Variants in ZSWIM9 observed in about 807,000 individuals in gnomAD.
ZSWIM9 encodes zinc finger SWIM-type containing 9.
ZSWIM9 carries 11 observed loss-of-function variants against 25.0 expected under a neutral mutation model. The observed-to-expected ratio is 0.44, with a 90% CI of 0.28 to 0.73. The LOEUF (loss-of-function observed/expected upper bound fraction) is 0.73, where lower values mean the gene tolerates loss of function less well. Among genes scored for constraint, ZSWIM9 ranks in the 30% least tolerant of loss-of-function variants. ZSWIM9 has a pLI of 0.16. For missense variants in ZSWIM9, 1,070 were observed against 1,296.5 expected (o/e 0.83, Z 2.68); for synonymous variants, 562 against 582.1 (o/e 0.97, Z 0.50).
intron 2 of ZSWIM9, among the ~76,000 whole-genome samples, chr19:48,176,980 CAGGA>C (rs1280163811): frequency 5.9e-5 from 9 of 151,624 alleles, no homozygotes; most frequent in African/African-American, 1.9e-4. Context: ...GAGGCTGAGG[CAGGA>C]GAATTGCTTG....
chr19:48,192,212 C>G (rs909386432), intron 3 of ZSWIM9, among the ~76,000 whole-genome samples: 2 of 151,508 alleles, frequency 1.3e-5, no homozygotes, highest in South Asian at 2.1e-4. Flanking sequence ...CATGGCACAT[C>G]ATATTTTCTC....
chr19:48,192,498 T>TATACACACACAC (rs369454865), intron 3 of ZSWIM9, among the ~76,000 whole-genome samples: 1 of 20,766 alleles, frequency 4.8e-5, no homozygotes, highest in Non-Finnish European at 1.0e-4. Context: ...TATATATATA[T>TATACACACACAC]ACACACACAC....
At chr19:48,191,650 T>C (rs892947969) in intron 3 of ZSWIM9, among the ~76,000 whole-genome samples, 4 of 152,244 alleles carry the variant, frequency 2.6e-5, no homozygotes, top group African/African-American at 9.6e-5. Flanking sequence ...GCATGGTTTC[T>C]GATGTTCATG....
chr19:48,174,185 C>T (rs188629798), intron 2 of ZSWIM9, among the ~76,000 whole-genome samples: 5 of 151,996 alleles, frequency 3.3e-5, no homozygotes, highest in East Asian at 3.9e-4. Flanking sequence ...TAGACAAGAA[C>T]AGAGTGCTTA....
Position 48,195,853 on chromosome 19 carries a change from G to A in ZSWIM9, c.1789G>A (p.Val597Met). The A allele has an allele frequency of 7.0e-7, 1 of 1,430,846 alleles. No individual in the cohort carries two copies. The highest frequency in any genetic ancestry group is 9.1e-7 in the Non-Finnish European group (1 of 1,097,630). 88.6% of individuals were successfully genotyped at this position (1,430,846 alleles called of 1,614,324 possible). A position where few individuals can be genotyped will look rare whatever the true frequency, so the allele number is the denominator to read the frequency against. The change falls in exon 4 of 4, where the codon GTG (valine) becomes ATG (methionine). Residue 597 changes from valine (V) to methionine (M), a missense_variant. Transcript: ENST00000614654. The surrounding 1 kb of genome is among the most constrained non-coding windows in gnomAD (Gnocchi z 5.8). Reference protein sequence around the residue: ...LRGLEGYTWRVAQLEDRRSTT... With the variant: ...LRGLEGYTWRMAQLEDRRSTT... ...AGGATTGGAAGGGTATACCTGGAGG[G>A]TGGCCCAGCTGGAAGATCGCAGGAG... is the stretch of plus-strand genomic sequence containing the variant.
Position 48,182,812 on chromosome 19 carries a change from G to T in ZSWIM9, c.588+45G>T, listed in dbSNP as rs888048869. The T allele has an allele frequency of 7.0e-7, 1 of 1,426,736 alleles. No homozygotes were observed. The highest frequency in any genetic ancestry group is 1.4e-5 in the African/African-American group (1 of 70,884). The allele number at this position is 1,426,736 out of a possible 1,614,324, so 88.4% of individuals were successfully genotyped here. ...AGGCCGGGGGAGGGGGCGGGGGAAA[G>T]CCGCGCTGAAGACTCGTGGGTCATT... is the stretch of plus-strand genomic sequence containing the variant. On this transcript the variant is annotated intron_variant, in intron 3 of 3. Coordinates refer to ENST00000614654, the MANE Select transcript of ZSWIM9 (RefSeq NM_199341.4). This position sits in a 1 kb window ranked among gnomAD's most constrained non-coding sequence, Gnocchi z 4.6.
At chr19:48,179,767 A>C (rs780967666) in intron 2 of ZSWIM9, among the ~76,000 whole-genome samples, 1 of 152,238 alleles carries the variant, frequency 6.6e-6, no homozygotes, top group Non-Finnish European at 1.5e-5. Flanking sequence ...CTGCAAAGGC[A>C]TCTGTAAGGT....
In ZSWIM9 at chr19:48,182,719, C is replaced by T. The variant is rs1471673207; in HGVS notation, c.540C>T (p.Asp180=). Reference sequence around the variant, plus strand: ...AGGGCCGCGACCACGGCGTCCTGGACGCCCTGCACGTGCTCGAGGGCCTCT... The same window carrying T: ...AGGGCCGCGACCACGGCGTCCTGGATGCCCTGCACGTGCTCGAGGGCCTCT... ...YCKGRDHGVL[D]ALHVLEGLFR... The change falls in exon 3 of 4, where the codon GAC becomes GAT. Residue 180 remains aspartate, a synonymous_variant. Transcript: ENST00000614654. This position sits in a 1 kb window ranked among gnomAD's most constrained non-coding sequence, Gnocchi z 4.6. The T allele has an allele frequency of 9.1e-6, 14 of 1,534,758 alleles. No homozygotes were observed. The highest frequency in any genetic ancestry group is 1.4e-5 in the African/African-American group (1 of 73,014).
At chr19:48,173,630 T>G (rs1012736796) in intron 2 of ZSWIM9, among the ~76,000 whole-genome samples, 1 of 152,008 alleles carries the variant, frequency 6.6e-6, no homozygotes, top group Non-Finnish European at 1.5e-5. Context: ...AATTTTATTT[T>G]ACTTTATTTT....
Position 48,194,242 on chromosome 19 carries a change from G to C in ZSWIM9, c.589-411G>C, listed in dbSNP as rs1050873898. On this transcript the variant is annotated intron_variant, in intron 3 of 3. Coordinates refer to ENST00000614654, the MANE Select transcript of ZSWIM9 (RefSeq NM_199341.4). The surrounding 1 kb of genome is among the most constrained non-coding windows in gnomAD (Gnocchi z 6.0). ...GACTCAGTGGGTCTGAGGTGGCCCC[G>C]AGAAGGTGCATTTCTGTCCAGGTCC... Among the ~76,000 whole-genome samples, 2 of 152,102 alleles carry C rather than the reference G, an allele frequency of 1.3e-5. No homozygotes were observed. The highest frequency in any genetic ancestry group is 6.5e-5 in the Admixed American group (1 of 15,276).
chr19:48,177,361 C>G (rs530604449), intron 2 of ZSWIM9, among the ~76,000 whole-genome samples: 2 of 152,284 alleles, frequency 1.3e-5, no homozygotes, highest in African/African-American at 4.8e-5. Context: ...TTGTAGGTTA[C>G]ATCGTGGGAT....
At chr19:48,172,142 G>GC in intron 2 of ZSWIM9, 65 bp downstream of exon 2, 53 of 546,302 alleles carry the variant, frequency 9.7e-5, no homozygotes, top group Non-Finnish European at 1.2e-4. Flanking sequence ...GTGTGGGTGG[G>GC]AGACGGGCAG....
At chr19:48,183,380 G>A (rs1458589090) in intron 3 of ZSWIM9, among the ~76,000 whole-genome samples, 1 of 152,002 alleles carries the variant, frequency 6.6e-6, no homozygotes, top group Non-Finnish European at 1.5e-5. Context: ...GCCCGCCTCG[G>A]CCTCCCAAAG....
intron 2 of ZSWIM9, 142 bp downstream of exon 2, chr19:48,172,219 G>T: frequency 1.4e-6 from 1 of 732,622 alleles, no homozygotes; most frequent in Non-Finnish European, 2.2e-6. Context: ...ACCTTGCAGA[G>T]AGGCGGGAGT....
chr19:48,186,243 CGCCA>C (rs2037009338), intron 3 of ZSWIM9, among the ~76,000 whole-genome samples: 6 of 148,070 alleles, frequency 4.1e-5, no homozygotes, highest in African/African-American at 1.6e-4. Context: ...CTTTCTGCCC[CGCCA>C]CCCCCCACCC....
chr19:48,188,317 G>A (rs2037055134), intron 3 of ZSWIM9, among the ~76,000 whole-genome samples: 1 of 151,898 alleles, frequency 6.6e-6, no homozygotes, highest in Admixed American at 6.6e-5. Flanking sequence ...CCATCTCCCA[G>A]GTTCAGGTGA....
intron 3 of ZSWIM9, among the ~76,000 whole-genome samples, chr19:48,187,459 A>ATTATAATAT (rs1416122137): frequency 1.2e-5 from 1 of 81,262 alleles, no homozygotes; most frequent in Non-Finnish European, 2.3e-5. Flanking sequence ...ATTATATATT[A>ATTATAATAT]ATTATATATA....
rs1330636791 is a variant in ZSWIM9, at chr19:48,195,808, T to C, written c.1744T>C (p.Leu582=). 3 of 1,491,542 alleles carry C rather than the reference T, an allele frequency of 2.0e-6. No individual in the cohort carries two copies. Among genetic ancestry groups the C allele is most frequent in the Non-Finnish European group, 2.7e-6 (3 of 1,127,826 alleles). The allele number at this position is 1,491,542 out of a possible 1,614,324, so 92.4% of individuals were successfully genotyped here. A position where few individuals can be genotyped will look rare whatever the true frequency, so the allele number is the denominator to read the frequency against. ...LEGYVWRGSQ[L]EDQALRGLEG... ...AGGTTATGTCTGGAGGGGGTCCCAG[T>C]TGGAGGACCAGGCGCTAAGAGGATT... The change falls in exon 4 of 4, where the codon TTG becomes CTG. Residue 582 remains leucine (L), a synonymous_variant. Transcript: ENST00000614654. This position sits in a 1 kb window ranked among gnomAD's most constrained non-coding sequence, Gnocchi z 5.8.
intron 3 of ZSWIM9, among the ~76,000 whole-genome samples, chr19:48,190,917 T>G (rs1027342892): frequency 8.5e-5 from 13 of 152,234 alleles, no homozygotes; most frequent in African/African-American, 3.1e-4. Flanking sequence ...TGCTATGTGC[T>G]GAAAGCTTTA....
Sources: allele counts gnomAD v4.1 joint callset (sites outside exome capture counted in the v4.1 genomes callset), GRCh38; gene constraint gnomAD v4.1.1; non-coding constraint Gnocchi (gnomAD v3.1); transcripts MANE v1.5; gene names NCBI Gene and HGNC (gene_info 2026-07-23, HGNC 2026-07-21).